Variants in CIP2A observed in about 807,000 individuals in gnomAD.
CIP2A encodes protein CIP2A.
A neutral mutation model predicts 110.9 loss-of-function variants in CIP2A; 103 were observed. The observed-to-expected ratio is 0.93, with a 90% CI of 0.79 to 1.09. The LOEUF is 1.09. CIP2A is among the 50% of genes least tolerant of loss of function. The probability of loss-of-function intolerance (pLI) is 0.00; values close to 1 mark genes in which losing one functional copy is unlikely to be tolerated. For synonymous variants in CIP2A, 381 were observed against 361.6 expected (o/e 1.05, Z -0.61); for missense variants, 1,088 against 1,038.4 (o/e 1.05, Z -0.66).
intron 1 of CIP2A, among the ~76,000 whole-genome samples, chr3:108,585,459 T>C (rs1939013580): frequency 6.6e-6 from 1 of 152,160 alleles, no homozygotes; most frequent in African/African-American, 2.4e-5. Flanking sequence ...CTTTTCTTAG[T>C]TTCTTATACC....
At chr3:108,588,662 C>T (rs1239221052) in intron 1 of CIP2A, among the ~76,000 whole-genome samples, 1 of 151,988 alleles carries the variant, frequency 6.6e-6, no homozygotes, top group Admixed American at 6.6e-5. Context: ...AGATTAAGAT[C>T]CTAAAACAAA....
rs369986033 is a variant in CIP2A, at chr3:108,568,292, C to T, written c.1136G>A (p.Cys379Tyr). ...GGTCACAAAACGATCAGCCGAGGAA[C>T]AGTTAGCAGCATCTATGACATCCTG... Reference protein sequence around the residue: ...IFEDVIDAANCSSADRFVTLL... With the variant: ...IFEDVIDAANYSSADRFVTLL... Residue 379 changes from cysteine to tyrosine, a missense_variant, in exon 10 of 21, where the codon TGT (cysteine) becomes TAT (tyrosine). Transcript: ENST00000295746. The T allele has an allele frequency of 2.5e-6, 4 of 1,611,776 alleles. No individual in the cohort carries two copies. The highest frequency in any genetic ancestry group is 3.4e-6 in the Non-Finnish European group (4 of 1,178,536).
At position 108,553,647 on chromosome 3, in the gene CIP2A, C is replaced by A; in HGVS notation, c.2407+1G>T. 1.9e-6 allele frequency: 3 copies of A among 1,555,502 alleles called. No individual in the cohort carries two copies. The highest frequency in any genetic ancestry group is 2.6e-6 in the Non-Finnish European group (3 of 1,132,750). ...AATGTATTAAATAAGAAGCCACTTACTTGCTAGCTTATGTTCTCTGTCTAC... is the reference window on the plus strand; with the variant it reads ...AATGTATTAAATAAGAAGCCACTTAATTGCTAGCTTATGTTCTCTGTCTAC... On this transcript the variant is annotated splice_donor_variant, in intron 19 of 20. Transcript: ENST00000295746. LOFTEE classifies it high-confidence loss of function.
chr3:108,582,004 T>A, intron 4 of CIP2A, 104 bp downstream of exon 4: 1 of 556,226 alleles, frequency 1.8e-6, no homozygotes, highest in Non-Finnish European at 3.2e-6. Context: ...TCACTCAGTT[T>A]ATATGTTAGA....
Position 108,582,194 on chromosome 3 carries a change from T to C in CIP2A, c.366A>G (p.Gln122=), listed in dbSNP as rs1039027428. Residue 122 remains glutamine, a synonymous_variant, in exon 4 of 21, where the codon CAA becomes CAG. Coordinates refer to ENST00000295746, the MANE Select transcript of CIP2A (RefSeq NM_020890.3). ...HTDSVFLQCI[Q]LLQKLTYNVK... is the part of the protein sequence containing the mutation. ...CATTATATGTTAACTTCTGTAGAAG[T>C]TGAATGCACTGAGAATAAGAAAATA... The C allele has an allele frequency of 3.7e-6, 5 of 1,333,972 alleles. No homozygotes were observed. The highest frequency in any genetic ancestry group is 2.4e-5 in the East Asian group (1 of 42,008). The allele number at this position is 1,333,972 out of a possible 1,614,324, so 82.6% of individuals were successfully genotyped here.
At chr3:108,562,997 T>C in intron 13 of CIP2A, 129 bp downstream of exon 13, 1 of 639,978 alleles carries the variant, frequency 1.6e-6, no homozygotes, top group Non-Finnish European at 2.8e-6. Flanking sequence ...TAGAAATCAC[T>C]TGAAAAATTA....
intron 1 of CIP2A, 36 bp downstream of exon 1, chr3:108,589,238 G>A (rs750204127): frequency 6.7e-7 from 1 of 1,493,772 alleles, no homozygotes; most frequent in Admixed American, 1.7e-5. Flanking sequence ...ATTGCTAGGG[G>A]AAGCCCCATC....
intron 8 of CIP2A, among the ~76,000 whole-genome samples, chr3:108,570,536 A>G (rs1938358950): frequency 6.6e-6 from 1 of 152,162 alleles, no homozygotes; most frequent in African/African-American, 2.4e-5. Flanking sequence ...CGTGGGCTAC[A>G]AAACTGTACA....
chr3:108,553,960 T>C (rs936555403), intron 18 of CIP2A, among the ~76,000 whole-genome samples: 16 of 146,864 alleles, frequency 1.1e-4, no homozygotes, highest in African/African-American at 4.1e-4. Flanking sequence ...AGTGGCATGA[T>C]CTTGTGCTCA....
At position 108,579,565 on chromosome 3, in the gene CIP2A, C is replaced by T. The variant is rs958151750; in HGVS notation, c.672+1G>A. The T allele has an allele frequency of 1.3e-6, 2 of 1,581,774 alleles. No individual in the cohort carries two copies. The highest frequency in any genetic ancestry group is 1.7e-6 in the Non-Finnish European group (2 of 1,163,346). ...GAATAAATTTGAAAAATTGTATTTA[C>T]CTTTTCCCCCACCTCTTCATTTAAT... On this transcript the variant is annotated splice_donor_variant, in intron 6 of 20. Transcript: ENST00000295746. LOFTEE classifies it high-confidence loss of function.
intron 16 of CIP2A, among the ~76,000 whole-genome samples, chr3:108,558,272 GA>G (rs563978035): frequency 1.2e-4 from 18 of 151,912 alleles, no homozygotes; most frequent in South Asian, 4.1e-4. Flanking sequence ...AAATATGGGG[GA>G]AAAAAAGAAT....
chr3:108,571,064 C>G (rs1392957176), intron 8 of CIP2A, among the ~76,000 whole-genome samples: 1 of 152,046 alleles, frequency 6.6e-6, no homozygotes, highest in African/African-American at 2.4e-5. Context: ...GGGTAATCAA[C>G]ACCACTTCCA....
Position 108,566,567 on chromosome 3 carries a change from T to A in CIP2A, c.1345A>T (p.Ile449Leu). Residue 449 changes from isoleucine (I) to leucine (L), a missense_variant, in exon 11 of 21, where the codon ATA (isoleucine) becomes TTA (leucine). By Grantham distance (5) the Ile-to-Leu change is conservative. Coordinates refer to ENST00000295746, the MANE Select transcript of CIP2A (RefSeq NM_020890.3). Reference sequence around the variant, plus strand: ...TTGCCATATGTAAATTGTTGTTCTATAAGAGTGGTACACTTGACAGTTGTC... The same window carrying A: ...TTGCCATATGTAAATTGTTGTTCTAAAAGAGTGGTACACTTGACAGTTGTC... ...ILTTVKCTTL[I>L]EQQFTYGKID... 1 of 1,607,820 alleles carries A rather than the reference T, an allele frequency of 6.2e-7. No homozygotes were observed. The highest frequency in any genetic ancestry group is 8.5e-7 in the Non-Finnish European group (1 of 1,176,596).
Position 108,563,213 on chromosome 3 carries a change from G to C in CIP2A, c.1547C>G (p.Ala516Gly). The change falls in exon 13 of 21, where the codon GCT becomes GGT. Residue 516 changes from alanine to glycine, a missense_variant. By Grantham distance (60) the Ala-to-Gly change is moderately conservative. Transcript: ENST00000295746. The stretch of plus-strand genomic sequence containing the variant: ...TTGTTCTCTATTATCTGACGTTAAA[G>C]CAAAAGCCAAAGGAGTAATCAAACG... The part of the protein sequence containing the change: ...DPRLITPLAF[A>G]LTSDNREQVQ... 2 of 1,612,150 alleles carry C rather than the reference G, an allele frequency of 1.2e-6. No individual in the cohort carries two copies. Among genetic ancestry groups the C allele is most frequent in the Admixed American group, 3.3e-5 (2 of 59,964 alleles).
At chr3:108,580,446 C>CACACACAT (rs1356723551) in intron 5 of CIP2A, among the ~76,000 whole-genome samples, 1 of 150,676 alleles carries the variant, frequency 6.6e-6, no homozygotes. Flanking sequence ...AACACACACA[C>CACACACAT]ACACACACAC....
Position 108,560,885 on chromosome 3 carries a change from A to G in CIP2A, c.1635-44T>C, listed in dbSNP as rs563892751. On this transcript the variant is annotated intron_variant, in intron 13 of 20. Coordinates refer to ENST00000295746, the MANE Select transcript of CIP2A (RefSeq NM_020890.3). ...AAGGAAAAAAAAATTATACGAAAAT[A>G]GAAGAAAAGGCAGACTTAGTGCAGA... 1.3e-5 allele frequency: 18 copies of G among 1,370,308 alleles called. No homozygotes were observed. The South Asian group carries it at 2.8e-4, about 21-fold the overall frequency. 84.9% of individuals were successfully genotyped at this position (1,370,308 alleles called of 1,614,324 possible). A position where few individuals can be genotyped will look rare whatever the true frequency, so the allele number is the denominator to read the frequency against.
At chr3:108,551,608 T>C (rs1408884533) in intron 20 of CIP2A, among the ~76,000 whole-genome samples, 1 of 152,052 alleles carries the variant, frequency 6.6e-6, no homozygotes, top group East Asian at 1.9e-4. Flanking sequence ...AAATTACTAA[T>C]AAGATAATCA....
rs375091376 is a variant in CIP2A, at chr3:108,589,391, C to T, written c.-16G>A. 1 of 1,596,738 alleles carries T rather than the reference C, an allele frequency of 6.3e-7. No homozygotes were observed. The highest frequency in any genetic ancestry group is 1.3e-5 in the African/African-American group (1 of 74,418). On this transcript the variant is annotated 5_prime_UTR_variant, in exon 1 of 21. Transcript: ENST00000295746. ...TGGAGTCCATTGCACCGGCCGCGGC[C>T]CGGCTTAGGGACCACCACCGCCCAG...
intron 17 of CIP2A, among the ~76,000 whole-genome samples, chr3:108,555,746 A>T (rs773588479): frequency 6.6e-6 from 1 of 152,244 alleles, no homozygotes; most frequent in Non-Finnish European, 1.5e-5. Flanking sequence ...GGGTCTACCC[A>T]TGACCTGTAA....
Sources: allele counts gnomAD v4.1 joint callset (sites outside exome capture counted in the v4.1 genomes callset), GRCh38; gene constraint gnomAD v4.1.1; transcripts MANE v1.5; gene names NCBI Gene and HGNC (gene_info 2026-07-23, HGNC 2026-07-21).